Variants in ZNF710 observed in about 807,000 individuals in gnomAD.
ZNF710 encodes zinc finger protein 710.
Under a neutral mutation model 50.6 loss-of-function variants are expected in ZNF710, and 13 were observed. That is an observed-to-expected ratio of 0.26 (90% CI 0.17 to 0.41). The LOEUF (loss-of-function observed/expected upper bound fraction) is 0.41, where lower values mean the gene tolerates loss of function less well. Among genes scored for constraint, ZNF710 ranks in the 10% least tolerant of loss-of-function variants. The pLI, the probability that ZNF710 is intolerant of heterozygous loss-of-function variation, is 1.00. For synonymous variants in ZNF710, 383 were observed against 397.0 expected, an observed-to-expected ratio of 0.96 and a Z score of 0.42; for missense variants, 721 against 936.6, an observed-to-expected ratio of 0.77 and a Z score of 3.01.
intron 1 of ZNF710, among the ~76,000 whole-genome samples, chr15:90,022,460 G>A (rs1192328675): frequency 6.6e-6 from 1 of 152,186 alleles, no homozygotes; most frequent in African/African-American, 2.4e-5. Context: ...AGTCCGAGGG[G>A]GATTGTGGGT....
At chr15:90,058,396 G>C (rs1017002381) in intron 1 of ZNF710, among the ~76,000 whole-genome samples, 1 of 152,190 alleles carries the variant, frequency 6.6e-6, no homozygotes, top group Admixed American at 6.5e-5. Context: ...AGGCAGGACT[G>C]TCCTGGGAGT....
In ZNF710 at chr15:90,062,114, C is replaced by T. The variant is rs1019617570; in HGVS notation, c.-28-4996C>T. Among the ~76,000 whole-genome samples, 4 of 151,546 alleles carry T rather than the reference C, an allele frequency of 2.6e-5. No individual in the cohort carries two copies. The highest frequency in any genetic ancestry group is 2.1e-4 in the South Asian group (1 of 4,756). ...CACTGCACGCCCCTCCCCCTCCCGC[C>T]TTTGTTTCTTGGCCTCCACAGCCTC... On this transcript the variant is annotated intron_variant, in intron 1 of 4. Transcript: ENST00000268154. The surrounding 1 kb of genome is among the most constrained non-coding windows in gnomAD (Gnocchi z 5.6).
intron 1 of ZNF710, among the ~76,000 whole-genome samples, chr15:90,013,486 C>T (rs1481610396): frequency 6.6e-6 from 1 of 152,158 alleles, no homozygotes; most frequent in Non-Finnish European, 1.5e-5. Context: ...ATGAGAGTCC[C>T]TTCTCAGGGA....
chr15:90,062,032 C>T lies in ZNF710; in HGVS notation c.-28-5078C>T, dbSNP rs1359949882. On this transcript the variant is annotated intron_variant, in intron 1 of 4. Transcript: ENST00000268154. The surrounding 1 kb of genome is among the most constrained non-coding windows in gnomAD (Gnocchi z 5.6). ...CCCAGGGGCTGGCCTGGCCCTCAGG[C>T]CTGGGAGGTGGAGGTGCCGAGCCCT... 1.3e-5 allele frequency among the ~76,000 whole-genome samples: 2 copies of T among 151,938 alleles called. No homozygotes were observed. Among genetic ancestry groups the T allele is most frequent in the Non-Finnish European group, 2.9e-5 (2 of 67,972 alleles).
At chr15:90,015,295 G>C (rs1163425683) in intron 1 of ZNF710, among the ~76,000 whole-genome samples, 1 of 152,176 alleles carries the variant, frequency 6.6e-6, no homozygotes, top group African/African-American at 2.4e-5. Context: ...AGAAACACAA[G>C]TTTTCTGTGG....
intron 1 of ZNF710, among the ~76,000 whole-genome samples, chr15:90,033,806 G>A (rs1199648050): frequency 6.6e-6 from 1 of 152,208 alleles, no homozygotes; most frequent in East Asian, 1.9e-4. Context: ...TGGTTTAAGA[G>A]ATGGCCTTCT....
At chr15:90,071,688 T>TC (rs1900394089) in intron 2 of ZNF710, among the ~76,000 whole-genome samples, 1 of 150,020 alleles carries the variant, frequency 6.7e-6, no homozygotes, top group Non-Finnish European at 1.5e-5. Context: ...TCTTTTTTTT[T>TC]TTTTTTTTGA....
At chr15:90,033,661 C>T (rs927500885) in intron 1 of ZNF710, among the ~76,000 whole-genome samples, 2 of 152,172 alleles carry the variant, frequency 1.3e-5, no homozygotes, top group African/African-American at 2.4e-5. Context: ...TGGGCCTGAG[C>T]GATCCTCCCA....
intron 1 of ZNF710, among the ~76,000 whole-genome samples, chr15:90,038,292 G>A (rs896011028): frequency 1.3e-5 from 2 of 152,208 alleles, no homozygotes; most frequent in Non-Finnish European, 2.9e-5. Flanking sequence ...ACTCACCCAC[G>A]TGGTGTGTTT....
chr15:90,027,695 T>TA, intron 1 of ZNF710, among the ~76,000 whole-genome samples: 1 of 151,916 alleles, frequency 6.6e-6, no homozygotes, highest in Non-Finnish European at 1.5e-5. Context: ...CTACTAAAAA[T>TA]ACAAAAATTA....
chr15:90,068,556 C>T lies in ZNF710; in HGVS notation c.1419C>T (p.Ser473=), dbSNP rs1900271100. The change falls in exon 2 of 5, where the codon AGC becomes AGT. Residue 473 remains serine, a synonymous_variant. Coordinates refer to ENST00000268154, the MANE Select transcript of ZNF710 (RefSeq NM_198526.4). The surrounding 1 kb of genome is among the most constrained non-coding windows in gnomAD (Gnocchi z 5.0). ...GCACTGAATGCGGCATGGAGTTCAG[C>T]CAGATTCACCACCTCAAGCAGCACT... The part of the protein sequence containing the change: ...FVCTECGMEF[S]QIHHLKQHSL... 1 of 1,608,220 alleles carries T rather than the reference C, an allele frequency of 6.2e-7. No individual in the cohort carries two copies. The highest frequency in any genetic ancestry group is 8.5e-7 in the Non-Finnish European group (1 of 1,179,132).
chr15:90,073,385 T>C (rs2277556), intron 3 of ZNF710, 123 bp downstream of exon 3: 316,102 of 1,146,356 alleles, frequency 0.28, 47,430 homozygotes, highest in East Asian at 0.56. Context: ...GAGCCCCGGC[T>C]GGGTGAAACT....
intron 1 of ZNF710, among the ~76,000 whole-genome samples, chr15:90,053,404 A>T (rs1448720955): frequency 1.3e-5 from 2 of 150,396 alleles, no homozygotes; most frequent in Non-Finnish European, 1.5e-5. Flanking sequence ...GCTGGAGTAC[A>T]GTGGTGTGAT....
rs1900243795 is a variant in ZNF710 at position 90,067,971 on chromosome 15, G to A, written c.834G>A (p.Val278=). 2 of 1,614,036 alleles carry A rather than the reference G, an allele frequency of 1.2e-6. No homozygotes were observed. Among genetic ancestry groups the A allele is most frequent in the African/African-American group, 1.3e-5 (1 of 74,960 alleles). ...KAQLDRLDIN[V]QIDDSYLVEA... is the part of the protein sequence containing the mutation. ...AGCTGGATCGGCTGGACATCAACGT[G>A]CAGATTGACGACTCCTATCTGGTGG... Residue 278 remains valine, a synonymous_variant, in exon 2 of 5, where the codon GTG becomes GTA. Transcript: ENST00000268154. The surrounding 1 kb of genome is among the most constrained non-coding windows in gnomAD (Gnocchi z 8.1).
chr15:90,075,541 T>A (rs188135581), intron 4 of ZNF710: 2 of 152,168 alleles, frequency 1.3e-5, no homozygotes, highest in African/African-American at 4.8e-5. Context: ...ATAAAGAAAT[T>A]CTGGTGTGCC....
chr15:90,015,396 A>T (rs1898425344), intron 1 of ZNF710, among the ~76,000 whole-genome samples: 1 of 152,186 alleles, frequency 6.6e-6, no homozygotes, highest in Non-Finnish European at 1.5e-5. Flanking sequence ...GGCAATAGTT[A>T]TTAAAATTAA....
rs1268753796 is a variant in ZNF710, at chr15:90,062,448, C to G, written c.-28-4662C>G. Among the ~76,000 whole-genome samples, 1 of 152,142 alleles carries G rather than the reference C, an allele frequency of 6.6e-6. No individual in the cohort carries two copies. Among genetic ancestry groups the G allele is most frequent in the African/African-American group, 2.4e-5 (1 of 41,432 alleles). ...CCCTTTCTCCTGGACATGGGGGGAG[C>G]TTTTGTTCTGAGTCCTTAGCACAAG... On this transcript the variant is annotated intron_variant, in intron 1 of 4. Coordinates refer to ENST00000268154, the MANE Select transcript of ZNF710 (RefSeq NM_198526.4). The surrounding 1 kb of genome is among the most constrained non-coding windows in gnomAD (Gnocchi z 5.6).
chr15:90,079,851 CG>C lies in ZNF710; in HGVS notation c.*27del. The C allele has an allele frequency of 6.4e-7, 1 of 1,565,558 alleles. No individual in the cohort carries two copies. Among genetic ancestry groups the C allele is most frequent in the East Asian group, 2.3e-5 (1 of 42,972 alleles). Reference sequence around the variant, plus strand: ...ATAGCGCAAGCTGGGCCACCCCTAACGGGGGCCGGGGGCGAGGGCATGGGGG... The same window carrying C: ...ATAGCGCAAGCTGGGCCACCCCTAACGGGGCCGGGGGCGAGGGCATGGGGG... On this transcript the variant is annotated 3_prime_UTR_variant, in exon 5 of 5. Transcript: ENST00000268154.
rs561419444 is a variant in ZNF710 at position 90,066,269 on chromosome 15, G to A, written c.-28-841G>A. 2.0e-5 allele frequency among the ~76,000 whole-genome samples: 3 copies of A among 152,130 alleles called. No homozygotes were observed. In the South Asian group the frequency reaches 6.2e-4, roughly 32 times the overall value. On this transcript the variant is annotated intron_variant, in intron 1 of 4. Transcript: ENST00000268154. ...CATACGTTCTCGTTCATACAGCCGA[G>A]CCATTACCAATAATGACAGTTAACA... is the stretch of plus-strand genomic sequence containing the variant.
Sources: gnomAD v4.1 joint callset for allele counts (sites outside exome capture counted in the v4.1 genomes callset) on GRCh38, gnomAD v4.1.1 for gene constraint, Gnocchi (gnomAD v3.1) non-coding constraint, MANE v1.5 for transcripts, NCBI Gene and HGNC (gene_info 2026-07-23, HGNC 2026-07-21) for gene names.